MIA2: variants seen among roughly 807,000 people sequenced by gnomAD.
MIA2 encodes the protein melanoma inhibitory activity protein 2.
A neutral mutation model predicts 167.8 loss-of-function variants in MIA2; 127 were observed. The observed-to-expected ratio is 0.76, with a 90% CI of 0.66 to 0.88. The LOEUF (loss-of-function observed/expected upper bound fraction) is 0.88. Among genes scored for constraint, MIA2 ranks in the 40% least tolerant of loss-of-function variants. The pLI, the probability that MIA2 is intolerant of heterozygous loss-of-function variation, is 0.00. For synonymous variants in MIA2, 552 were observed against 541.9 expected, an observed-to-expected ratio of 1.02 and a Z score of -0.26; for missense variants, 1,690 against 1,624.7, an observed-to-expected ratio of 1.04 and a Z score of -0.69.
At position 39,274,056 on chromosome 14, in the gene MIA2, A is replaced by G. The variant is rs370125351; in HGVS notation, c.1888-2878A>G. Among the ~76,000 whole-genome samples the G allele has an allele frequency of 2.2e-3, 336 of 152,210 alleles. 1 individual carries two copies. The highest frequency in any genetic ancestry group is 5.5e-3 in the African/African-American group (228 of 41,542). On this transcript the variant is annotated intron_variant, in intron 6 of 28. Transcript: ENST00000640607. Reference sequence around the variant, plus strand: ...AACAATTTTAGTTTATTCTTAGTATATTTTGTCAACCTGATTAATTGATTT... The same window carrying G: ...AACAATTTTAGTTTATTCTTAGTATGTTTTGTCAACCTGATTAATTGATTT...
Position 39,314,810 on chromosome 14 carries a change from A to ATATATGTGTGTG in MIA2, c.3180+12_3180+13insATATGTGTGTGT, listed in dbSNP as rs1555390607. 2.8e-6 allele frequency: 3 copies of ATATATGTGTGTG among 1,066,028 alleles called. No individual in the cohort carries two copies. In the African/African-American group the frequency reaches 5.1e-5, roughly 18 times the overall value. 66.0% of individuals were successfully genotyped at this position (1,066,028 alleles called of 1,614,324 possible). A position where few individuals can be genotyped will look rare whatever the true frequency, so the allele number is the denominator to read the frequency against. On this transcript the variant is annotated intron_variant, in intron 20 of 28. Transcript: ENST00000640607. The stretch of plus-strand genomic sequence containing the variant: ...TCTTATCAAGGGCAGGTATATATAT[A>ATATATGTGTGTG]TGTGTGTGTGTGTGTGTGTGTGTGT...
chr14:39,349,512 T>C (rs1311740596), intron 28 of MIA2, among the ~76,000 whole-genome samples: 1 of 152,218 alleles, frequency 6.6e-6, no homozygotes, highest in Admixed American at 6.5e-5. Flanking sequence ...ATTCATACTT[T>C]ACTGTTTTGA....
chr14:39,327,541 C>A (rs534175983), intron 25 of MIA2, among the ~76,000 whole-genome samples: 1 of 152,088 alleles, frequency 6.6e-6, no homozygotes, highest in Non-Finnish European at 1.5e-5. Context: ...AGCAGAATAT[C>A]TTGAAATAAG....
At chr14:39,329,653 GTT>G (rs139865314) in intron 25 of MIA2, among the ~76,000 whole-genome samples, 51,208 of 140,844 alleles carry the variant, frequency 0.36, 10,005 homozygotes, top group Non-Finnish European at 0.46. Flanking sequence ...AGTTTATTGA[GTT>G]TTTTTTTTTT....
exon 24 of MIA2, chr14:39,387,596 A>G (rs1201109386): frequency 6.6e-6 from 1 of 152,404 alleles, no homozygotes; most frequent in Middle Eastern, 3.4e-3. Flanking sequence ...AAATAACACA[A>G]TACTTCAGAT....
intron 6 of MIA2, among the ~76,000 whole-genome samples, chr14:39,272,082 G>A (rs139926117): frequency 2.0e-5 from 3 of 151,722 alleles, no homozygotes; most frequent in Non-Finnish European, 2.9e-5. Context: ...GGCCGGGTGC[G>A]GTGGCTCATG....
intron 25 of MIA2, among the ~76,000 whole-genome samples, chr14:39,333,041 G>GT (rs1228606208): frequency 2.6e-5 from 4 of 151,946 alleles, no homozygotes; most frequent in Non-Finnish European, 5.9e-5. Context: ...TATCTGCTGA[G>GT]TTTTTTATCT....
chr14:39,286,010 A>C lies in MIA2; in HGVS notation c.2131-5009A>C, dbSNP rs979749818. 6.0e-5 allele frequency among the ~76,000 whole-genome samples: 9 copies of C among 149,218 alleles called. No homozygotes were observed. The South Asian group carries it at 6.5e-4, about 11-fold the overall frequency. ...CTCACATCCTAGACGATGGGCGGCC[A>C]GGCAGAGACGCTCTTCACTTCCCAG... On this transcript the variant is annotated intron_variant, in intron 9 of 28. Transcript: ENST00000640607.
intron 23 of MIA2, among the ~76,000 whole-genome samples, chr14:39,359,509 C>T (rs751226930): frequency 4.6e-5 from 7 of 152,170 alleles, no homozygotes; most frequent in Admixed American, 1.3e-4. Context: ...CCAGGTGAGG[C>T]GATGCTTTGC....
chr14:39,286,251 C>T lies in MIA2; in HGVS notation c.2131-4768C>T, dbSNP rs985591804. ...CTTGGTTAGGAGCTGGAGACCAGCCCGGCCAACACAGTGAAACCCCGTCTC... is the reference window on the plus strand; with the variant it reads ...CTTGGTTAGGAGCTGGAGACCAGCCTGGCCAACACAGTGAAACCCCGTCTC... On this transcript the variant is annotated intron_variant, in intron 9 of 28. Coordinates refer to ENST00000640607, the MANE Select transcript of MIA2 (RefSeq NM_001329214.4). Among the ~76,000 whole-genome samples, 10 of 152,206 alleles carry T rather than the reference C, an allele frequency of 6.6e-5. 1 individual carries two copies. Among genetic ancestry groups the T allele is most frequent in the East Asian group, 1.9e-4 (1 of 5,188 alleles).
Position 39,251,842 on chromosome 14 carries a change from A to G in MIA2, c.1568-906A>G, listed in dbSNP as rs114825582. Among the ~76,000 whole-genome samples, 572 of 152,292 alleles carry G rather than the reference A, an allele frequency of 3.8e-3. 1 individual carries two copies. Among genetic ancestry groups the G allele is most frequent in the African/African-American group, 0.013 (534 of 41,584 alleles). The stretch of plus-strand genomic sequence containing the variant: ...AGCAAAATTAGACATTGAACAATTC[A>G]CTTACTACTCTTTATTATTGTTTTT... On this transcript the variant is annotated intron_variant, in intron 4 of 28. Transcript: ENST00000640607.
intron 23 of MIA2, among the ~76,000 whole-genome samples, chr14:39,381,723 A>G (rs2075167409): frequency 6.7e-6 from 1 of 148,898 alleles, no homozygotes; most frequent in Non-Finnish European, 1.5e-5. Flanking sequence ...ACCAATTCAG[A>G]GGCCTTACTC....
rs557522092 is a variant in MIA2, at chr14:39,379,486, G to A, written c.2249-7399G>A. Among the ~76,000 whole-genome samples, 29 of 152,002 alleles carry A rather than the reference G, an allele frequency of 1.9e-4. No homozygotes were observed. In the East Asian group the frequency reaches 5.2e-3, roughly 27 times the overall value. On this transcript the variant is annotated intron_variant, in intron 23 of 23. Transcript: ENST00000341502. Reference sequence around the variant, plus strand: ...TTCCTAAGGCAAACTCCCCTCTCCCGTCGTACAAAACAAACAACGCACCAC... The same window carrying A: ...TTCCTAAGGCAAACTCCCCTCTCCCATCGTACAAAACAAACAACGCACCAC...
intron 18 of MIA2, among the ~76,000 whole-genome samples, chr14:39,308,829 G>C (rs2063760120): frequency 6.6e-6 from 1 of 152,152 alleles, no homozygotes; most frequent in Non-Finnish European, 1.5e-5. Flanking sequence ...CTAGTAAGTA[G>C]TCAGCAACTT....
chr14:39,265,328 A>G (rs2055420948), intron 6 of MIA2: 1 of 1,200,500 alleles, frequency 8.3e-7, no homozygotes, highest in Non-Finnish European at 1.2e-6. Context: ...ATCTTTCTCA[A>G]GGATATGAGG....
chr14:39,387,384 A>G (rs2075286841), exon 24 of MIA2: 1 of 156,538 alleles, frequency 6.4e-6, no homozygotes. Flanking sequence ...GGTCTAAGAC[A>G]TCAGGGGAAG....
At chr14:39,301,525 G>A (rs7153074) in intron 14 of MIA2, among the ~76,000 whole-genome samples, 52,367 of 152,052 alleles carry the variant, frequency 0.34, 10,723 homozygotes, top group Non-Finnish European at 0.46. Flanking sequence ...GAGATCGAAG[G>A]GTGAAAATTG....
At chr14:39,328,898 G>A (rs1167827688) in intron 25 of MIA2, among the ~76,000 whole-genome samples, 4 of 152,172 alleles carry the variant, frequency 2.6e-5, no homozygotes, top group Admixed American at 1.3e-4. Flanking sequence ...GTCAGGTGGT[G>A]TGATGTCTCC....
Position 39,247,930 on chromosome 14 carries a change from T to G in MIA2, c.1356T>G (p.Asp452Glu), listed in dbSNP as rs777603838. ...KPVSEKTDES[D>E]TIPYLKKFLY... ...TCTCAGAAAAAACAGACGAATCTGA[T>G]ACTATACCATATTTGAAAAAGTTCT... is the stretch of plus-strand genomic sequence containing the variant. Residue 452 changes from aspartate to glutamate, a missense_variant, in exon 4 of 29, where the codon GAT (aspartate) becomes GAG (glutamate). By Grantham distance (45) the Asp-to-Glu change is conservative. Transcript: ENST00000640607. The G allele has an allele frequency of 1.3e-6, 2 of 1,598,444 alleles. No homozygotes were observed. The highest frequency in any genetic ancestry group is 4.5e-5 in the East Asian group (2 of 44,738).
Sources: gnomAD v4.1 joint callset for allele counts (sites outside exome capture counted in the v4.1 genomes callset) on GRCh38, gnomAD v4.1.1 for gene constraint, MANE v1.5 for transcripts, NCBI Gene and HGNC (gene_info 2026-07-23, HGNC 2026-07-21) for gene names.